MAP2K5: variants seen among roughly 807,000 people sequenced by gnomAD.
MAP2K5 encodes the protein dual specificity mitogen-activated protein kinase kinase 5.
MAP2K5 carries 49 observed loss-of-function variants against 83.1 expected under a neutral mutation model. The ratio of observed to expected loss-of-function variants is 0.59; its 90% CI spans 0.47 to 0.75. MAP2K5 has a LOEUF of 0.75. Ranked by LOEUF, MAP2K5 falls within the 30% of genes least tolerant of loss-of-function variation. The probability of loss-of-function intolerance (pLI) is 0.00; values close to 1 mark genes in which losing one functional copy is unlikely to be tolerated. For missense variants in MAP2K5, 457 were observed against 557.5 expected, an observed-to-expected ratio of 0.82 and a Z score of 1.82; for synonymous variants, 202 against 191.8, an observed-to-expected ratio of 1.05 and a Z score of -0.44.
At chr15:67,594,660 A>T (rs975893382) in intron 7 of MAP2K5, among the ~76,000 whole-genome samples, 2 of 152,190 alleles carry the variant, frequency 1.3e-5, no homozygotes, top group East Asian at 3.8e-4. Context: ...GAGGTTCTCT[A>T]TATGGTGGGA....
intron 8 of MAP2K5, among the ~76,000 whole-genome samples, chr15:67,612,369 A>G (rs897447282): frequency 6.6e-6 from 1 of 152,146 alleles, no homozygotes; most frequent in Non-Finnish European, 1.5e-5. Context: ...ATGTTCTAAC[A>G]CAGTTTATAT....
At chr15:67,742,685 A>G (rs965778955) in intron 17 of MAP2K5, among the ~76,000 whole-genome samples, 11 of 152,250 alleles carry the variant, frequency 7.2e-5, no homozygotes, top group Admixed American at 1.3e-4. Context: ...ACCTCATACC[A>G]TCAGGAAAAA....
At chr15:67,678,962 C>CA (rs35828534) in intron 13 of MAP2K5, among the ~76,000 whole-genome samples, 83,657 of 115,844 alleles carry the variant, frequency 0.72, 30,950 homozygotes, top group Non-Finnish European at 0.75. Flanking sequence ...CACTGCATCT[C>CA]AAAAAAAAAA....
Position 67,668,322 on chromosome 15 carries a change from TAAAC to T in MAP2K5, c.847+3678_847+3681del, listed in dbSNP as rs1009929417. Among the ~76,000 whole-genome samples, 14 of 152,158 alleles carry T rather than the reference TAAAC, an allele frequency of 9.2e-5. No homozygotes were observed. The highest frequency in any genetic ancestry group is 3.1e-4 in the African/African-American group (13 of 41,442). On this transcript the variant is annotated intron_variant, in intron 13 of 21. Coordinates refer to ENST00000178640, the MANE Select transcript of MAP2K5 (RefSeq NM_145160.3). The surrounding 1 kb of genome is among the most constrained non-coding windows in gnomAD (Gnocchi z 4.0). Reference sequence around the variant, plus strand: ...AATTATGAAAATCTTTTCTCTAAAATAAACCAAACGTGTGATAATTCCACATGAG... The same window carrying T: ...AATTATGAAAATCTTTTCTCTAAAATCAAACGTGTGATAATTCCACATGAG...
In MAP2K5 at chr15:67,750,661, A is replaced by G. The variant is rs1422893323; in HGVS notation, c.1134+2060A>G. Among the ~76,000 whole-genome samples the G allele has an allele frequency of 1.3e-5, 2 of 152,228 alleles. No individual in the cohort carries two copies. Among genetic ancestry groups the G allele is most frequent in the African/African-American group, 4.8e-5 (2 of 41,460 alleles). On this transcript the variant is annotated intron_variant, in intron 19 of 21. Coordinates refer to ENST00000178640, the MANE Select transcript of MAP2K5 (RefSeq NM_145160.3). The surrounding 1 kb of genome is among the most constrained non-coding windows in gnomAD (Gnocchi z 4.2). ...TTTCTCGGGTAACTCTCTGCACATT[A>G]TAAGTTTGAAAACCACTTCTCAAAC...
At position 67,542,799 on chromosome 15, in the gene MAP2K5, C is replaced by G. The variant is rs1017297856; in HGVS notation, c.-537C>G. ...GGGTGGCCGGAGCTCAGCCTGCGCG[C>G]GCCGCGCCCTGTGTCTCCGGGTGGG... is the stretch of plus-strand genomic sequence containing the variant. On this transcript the variant is annotated 5_prime_UTR_variant, in exon 1 of 22. Coordinates refer to ENST00000178640, the MANE Select transcript of MAP2K5 (RefSeq NM_145160.3). The G allele has an allele frequency of 3.3e-5, 5 of 153,826 alleles. No homozygotes were observed. Among genetic ancestry groups the G allele is most frequent in the African/African-American group, 1.2e-4 (5 of 41,448 alleles). The allele number at this position is 153,826 out of a possible 1,614,324, so 9.5% of individuals were successfully genotyped here. A position where few individuals can be genotyped will look rare whatever the true frequency, so the allele number is the denominator to read the frequency against.
intron 16 of MAP2K5, among the ~76,000 whole-genome samples, chr15:67,716,836 C>T (rs2088837350): frequency 6.6e-6 from 1 of 152,118 alleles, no homozygotes; most frequent in Non-Finnish European, 1.5e-5. Context: ...TAACACTTAA[C>T]AAAGCTATTT....
At position 67,543,138 on chromosome 15, in the gene MAP2K5, C is replaced by G. The variant is rs2084327242; in HGVS notation, c.-198C>G. ...CTCCCCGGGAGACACCTCAGACCCC[C>G]GACAGCCTGGGCAGGCTCGGTGCCT... On this transcript the variant is annotated 5_prime_UTR_variant, in exon 1 of 22. Transcript: ENST00000178640. This position sits in a 1 kb window ranked among gnomAD's most constrained non-coding sequence, Gnocchi z 4.3. The G allele has an allele frequency of 3.3e-6, 2 of 601,526 alleles. No individual in the cohort carries two copies. The highest frequency in any genetic ancestry group is 5.9e-5 in the Admixed American group (2 of 33,826). The allele number at this position is 601,526 out of a possible 1,614,324, so 37.3% of individuals were successfully genotyped here.
intron 13 of MAP2K5, 36 bp downstream of exon 13, chr15:67,664,681 G>C: frequency 7.0e-7 from 1 of 1,436,310 alleles, no homozygotes; most frequent in Middle Eastern, 1.8e-4. Flanking sequence ...ATTTAATTTG[G>C]GGTGGGGTTG....
Position 67,553,216 on chromosome 15 carries a change from T to C in MAP2K5, c.184+3134T>C, listed in dbSNP as rs372678932. On this transcript the variant is annotated intron_variant, in intron 2 of 21. Coordinates refer to ENST00000178640, the MANE Select transcript of MAP2K5 (RefSeq NM_145160.3). Reference sequence around the variant, plus strand: ...TTAGAGGCCTGAAATGATTGCTGAATGTGATTGCTTGGAACGGTGAAGCCC... The same window carrying C: ...TTAGAGGCCTGAAATGATTGCTGAACGTGATTGCTTGGAACGGTGAAGCCC... 1.1e-3 allele frequency among the ~76,000 whole-genome samples: 172 copies of C among 152,342 alleles called. 3 individuals carry two copies. The South Asian group carries it at 0.032, about 28-fold the overall frequency.
chr15:67,787,219 C>T (rs1746295920), intron 21 of MAP2K5, among the ~76,000 whole-genome samples: 2 of 152,262 alleles, frequency 1.3e-5, no homozygotes, highest in Admixed American at 1.3e-4. Flanking sequence ...TAGGAATGTC[C>T]TAACCCTTTG....
Position 67,543,158 on chromosome 15 carries a change from G to A in MAP2K5, c.-178G>A. ...ACCCCCGACAGCCTGGGCAGGCTCG[G>A]TGCCTGCGGGTGCGTTCCTGATCAC... On this transcript the variant is annotated 5_prime_UTR_variant, in exon 1 of 22. In the 5' UTR this introduces an upstream ATG that the reference lacks. Coordinates refer to ENST00000178640, the MANE Select transcript of MAP2K5 (RefSeq NM_145160.3). The surrounding 1 kb of genome is among the most constrained non-coding windows in gnomAD (Gnocchi z 4.3). 1.6e-6 allele frequency: 1 copy of A among 632,234 alleles called. No homozygotes were observed. The highest frequency in any genetic ancestry group is 2.8e-6 in the Non-Finnish European group (1 of 362,824). The allele number at this position is 632,234 out of a possible 1,614,324, so 39.2% of individuals were successfully genotyped here.
At chr15:67,701,427 GACTAGAAAACAGATGATTTT>G (rs1300162560) in intron 15 of MAP2K5, among the ~76,000 whole-genome samples, 4 of 152,176 alleles carry the variant, frequency 2.6e-5, no homozygotes, top group African/African-American at 9.7e-5. Flanking sequence ...AGGAAAAATA[GACTAGAAAACAGATGATTTT>G]ACAACACAGT....
In MAP2K5 at chr15:67,637,536, C is replaced by T. The variant is rs986461910; in HGVS notation, c.585+6609C>T. Among the ~76,000 whole-genome samples, 2 of 152,090 alleles carry T rather than the reference C, an allele frequency of 1.3e-5. No homozygotes were observed. Among genetic ancestry groups the T allele is most frequent in the Non-Finnish European group, 2.9e-5 (2 of 68,000 alleles). On this transcript the variant is annotated intron_variant, in intron 9 of 21. Transcript: ENST00000178640. The surrounding 1 kb of genome is among the most constrained non-coding windows in gnomAD (Gnocchi z 4.5). ...TCTTGCCCAGTATTAATCTGGAGATCGTTTCTTCTGAGCCTTTCTAGTGGT... is the reference window on the plus strand; with the variant it reads ...TCTTGCCCAGTATTAATCTGGAGATTGTTTCTTCTGAGCCTTTCTAGTGGT...
At chr15:67,716,492 G>C (rs1287077313) in intron 16 of MAP2K5, among the ~76,000 whole-genome samples, 1 of 152,148 alleles carries the variant, frequency 6.6e-6, no homozygotes, top group African/African-American at 2.4e-5. Flanking sequence ...TGATAATTTT[G>C]GGAACCATGT....
Position 67,573,446 on chromosome 15 carries a change from G to A in MAP2K5, c.253-7308G>A, listed in dbSNP as rs376368649. 2.6e-5 allele frequency among the ~76,000 whole-genome samples: 4 copies of A among 152,136 alleles called. No homozygotes were observed. The highest frequency in any genetic ancestry group is 2.9e-5 in the Non-Finnish European group (2 of 67,988). The stretch of plus-strand genomic sequence containing the variant: ...ACACACTTTTAAACCATCAGATCTC[G>A]TGAGAATCCACTCACTATCATGAGA... On this transcript the variant is annotated intron_variant, in intron 3 of 21. Transcript: ENST00000178640. This position sits in a 1 kb window ranked among gnomAD's most constrained non-coding sequence, Gnocchi z 4.2.
Position 67,720,245 on chromosome 15 carries a change from AAC to A in MAP2K5, c.1045-7666_1045-7665del, listed in dbSNP as rs933911316. On this transcript the variant is annotated intron_variant, in intron 16 of 21. Transcript: ENST00000178640. The surrounding 1 kb of genome is among the most constrained non-coding windows in gnomAD (Gnocchi z 5.7). ...ATTAATATACACATACACAAACATA[AAC>A]ACACGCATATATATACACACACATA... Among the ~76,000 whole-genome samples, 3 of 152,080 alleles carry A rather than the reference AAC, an allele frequency of 2.0e-5. No individual in the cohort carries two copies. The highest frequency in any genetic ancestry group is 4.8e-5 in the African/African-American group (2 of 41,412).
chr15:67,544,273 C>T (rs756842880), intron 1 of MAP2K5, among the ~76,000 whole-genome samples: 8 of 152,094 alleles, frequency 5.3e-5, no homozygotes, highest in African/African-American at 9.7e-5. Context: ...ACACATCATC[C>T]GTTATTAAAA....
chr15:67,790,338 A>G lies in MAP2K5; in HGVS notation c.1243-16308A>G, dbSNP rs1291528191. Among the ~76,000 whole-genome samples the G allele has an allele frequency of 1.3e-5, 2 of 152,166 alleles. No homozygotes were observed. The highest frequency in any genetic ancestry group is 2.9e-5 in the Non-Finnish European group (2 of 68,034). On this transcript the variant is annotated intron_variant, in intron 21 of 21. Transcript: ENST00000178640. The surrounding 1 kb of genome is among the most constrained non-coding windows in gnomAD (Gnocchi z 4.6). ...TGTACAGTATAATGTTTTTGGGACT[A>G]CGGGTTCATTACACTTCTGAGTGTG... is the stretch of plus-strand genomic sequence containing the variant.
Sources: allele counts gnomAD v4.1 joint callset (sites outside exome capture counted in the v4.1 genomes callset), GRCh38; gene constraint gnomAD v4.1.1; non-coding constraint Gnocchi (gnomAD v3.1); transcripts MANE v1.5; gene names NCBI Gene and HGNC (gene_info 2026-07-23, HGNC 2026-07-21).